Variants in MYO1D observed in about 807,000 individuals in gnomAD.
MYO1D encodes the protein unconventional myosin-Id.
MYO1D carries 83 observed loss-of-function variants against 122.0 expected under a neutral mutation model. That is an observed-to-expected ratio of 0.68 (90% CI 0.57 to 0.82). MYO1D has a LOEUF of 0.82. Ranked by LOEUF, MYO1D falls within the 40% of genes least tolerant of loss-of-function variation. MYO1D has a pLI of 0.00. For missense variants in MYO1D, 1,157 were observed against 1,269.5 expected, an observed-to-expected ratio of 0.91 and a Z score of 1.35; for synonymous variants, 464 against 446.9, an observed-to-expected ratio of 1.04 and a Z score of -0.48.
At chr17:32,635,838 C>T (rs1414191626) in intron 20 of MYO1D, among the ~76,000 whole-genome samples, 1 of 152,102 alleles carries the variant, frequency 6.6e-6, no homozygotes, top group Non-Finnish European at 1.5e-5. Context: ...AGTATGGATG[C>T]CCTTAGCTAT....
chr17:32,595,217 G>C (rs2087479907), intron 21 of MYO1D, among the ~76,000 whole-genome samples: 2 of 152,126 alleles, frequency 1.3e-5, no homozygotes, highest in Non-Finnish European at 2.9e-5. Flanking sequence ...ATGAGTTCTA[G>C]CATTCTCTAG....
chr17:32,516,555 G>A (rs1040078733), intron 21 of MYO1D, among the ~76,000 whole-genome samples: 1 of 152,198 alleles, frequency 6.6e-6, no homozygotes, highest in Non-Finnish European at 1.5e-5. Flanking sequence ...GGATTTGAGA[G>A]CCCCAGAGGA....
chr17:32,741,201 C>G (rs1249125486), intron 13 of MYO1D, among the ~76,000 whole-genome samples: 3 of 146,236 alleles, frequency 2.1e-5, no homozygotes, highest in African/African-American at 7.7e-5. Flanking sequence ...GTGCTCCAGG[C>G]TGGGCGACTG....
intron 16 of MYO1D, among the ~76,000 whole-genome samples, chr17:32,705,769 C>T (rs2089299288): frequency 6.6e-6 from 1 of 152,150 alleles, no homozygotes; most frequent in African/African-American, 2.4e-5. Context: ...ATAATTCCCA[C>T]ATGTTGTGGG....
At chr17:32,734,601 T>G (rs187852872) in intron 14 of MYO1D, 38 of 152,352 alleles carry the variant, frequency 2.5e-4, no homozygotes, top group African/African-American at 9.1e-4. Flanking sequence ...TCTGACAAAT[T>G]TTTTGTCATG....
At chr17:32,506,330 A>G (rs1455115637) in intron 21 of MYO1D, among the ~76,000 whole-genome samples, 1 of 152,218 alleles carries the variant, frequency 6.6e-6, no homozygotes, top group African/African-American at 2.4e-5. Context: ...TAACAGCAGC[A>G]TGAAAGGTGG....
intron 21 of MYO1D, among the ~76,000 whole-genome samples, chr17:32,566,408 G>A (rs1421438275): frequency 1.3e-5 from 2 of 152,142 alleles, no homozygotes; most frequent in East Asian, 1.9e-4. Context: ...ACAGGGCACG[G>A]CACCGGAGCT....
In MYO1D at chr17:32,712,087, A is replaced by G; in HGVS notation, c.2022T>C (p.Tyr674=). 2 of 1,614,202 alleles carry G rather than the reference A, an allele frequency of 1.2e-6. No homozygotes were observed. The highest frequency in any genetic ancestry group is 1.7e-6 in the Non-Finnish European group (2 of 1,180,014). ...TTCGAATGAAAATTTTGGTCTTCCC[A>G]TAAGCTACATCATCCTGAAAACCAC... ...ERCGFQDDVA[Y]GKTKIFIRTP... The change falls in exon 16 of 22, where the codon TAT becomes TAC. Residue 674 remains tyrosine (Y), a synonymous_variant. Coordinates refer to ENST00000318217, the MANE Select transcript of MYO1D (RefSeq NM_015194.3).
chr17:32,777,679 C>T (rs1263806344), intron 3 of MYO1D, among the ~76,000 whole-genome samples: 4 of 152,130 alleles, frequency 2.6e-5, no homozygotes, highest in Non-Finnish European at 1.5e-5. Flanking sequence ...GGCGCGGTGG[C>T]ACATGCCTGT....
At chr17:32,813,279 T>C (rs901028165) in intron 1 of MYO1D, among the ~76,000 whole-genome samples, 1 of 152,204 alleles carries the variant, frequency 6.6e-6, no homozygotes, top group African/African-American at 2.4e-5. Flanking sequence ...TCAACATAAC[T>C]ATGGTCTGTG....
intron 1 of MYO1D, among the ~76,000 whole-genome samples, chr17:32,871,437 G>A (rs544450824): frequency 6.6e-6 from 1 of 152,324 alleles, no homozygotes; most frequent in South Asian, 2.1e-4. Context: ...TACTGTGTTA[G>A]ATTAAAAAAG....
chr17:32,748,891 G>C (rs776798546), intron 12 of MYO1D, 45 bp downstream of exon 12: 2 of 1,514,510 alleles, frequency 1.3e-6, no homozygotes, highest in South Asian at 2.3e-5. Context: ...TTTCTAAAGT[G>C]AGGCGGCATG....
chr17:32,636,670 G>C (rs1341285530), intron 20 of MYO1D, among the ~76,000 whole-genome samples: 1 of 152,208 alleles, frequency 6.6e-6, no homozygotes, highest in Non-Finnish European at 1.5e-5. Context: ...ACCACTGTGG[G>C]CAAGTTTACT....
At chr17:32,512,281 CAA>C (rs1221587031) in intron 21 of MYO1D, among the ~76,000 whole-genome samples, 1 of 147,920 alleles carries the variant, frequency 6.8e-6, no homozygotes, top group Non-Finnish European at 1.5e-5. Flanking sequence ...GCCTGGGCGA[CAA>C]GAGTGAAACT....
chr17:32,803,308 A>T lies in MYO1D; in HGVS notation c.96-22524T>A, dbSNP rs528444002. On this transcript the variant is annotated intron_variant, in intron 1 of 21. Coordinates refer to ENST00000318217, the MANE Select transcript of MYO1D (RefSeq NM_015194.3). The stretch of plus-strand genomic sequence containing the variant: ...ACTACAGGTGCCCGCCACCACACCC[A>T]GCTAATTTTTTGTATTTTTAGTAGA... Among the ~76,000 whole-genome samples the T allele has an allele frequency of 2.6e-5, 4 of 152,012 alleles. No individual in the cohort carries two copies. In the South Asian group the frequency reaches 8.3e-4, roughly 32 times the overall value.
At chr17:32,573,056 C>T (rs2087245822) in intron 21 of MYO1D, among the ~76,000 whole-genome samples, 1 of 140,792 alleles carries the variant, frequency 7.1e-6, no homozygotes, top group Non-Finnish European at 1.6e-5. Flanking sequence ...CTATGCGTGG[C>T]ACATACAAGG....
chr17:32,705,547 G>GCCA (rs2089296637), intron 16 of MYO1D, among the ~76,000 whole-genome samples: 1 of 152,202 alleles, frequency 6.6e-6, no homozygotes, highest in Non-Finnish European at 1.5e-5. Context: ...ACAGGCATGG[G>GCCA]CCACCACACG....
intron 21 of MYO1D, among the ~76,000 whole-genome samples, chr17:32,530,697 A>T (rs1249956234): frequency 6.6e-6 from 1 of 152,130 alleles, no homozygotes; most frequent in Non-Finnish European, 1.5e-5. Flanking sequence ...GCTACTTGGG[A>T]GGCTGAGGCG....
Position 32,540,673 on chromosome 17 carries a change from C to T in MYO1D, c.2865-45758G>A, listed in dbSNP as rs144984968. On this transcript the variant is annotated intron_variant, in intron 21 of 21. Transcript: ENST00000318217. ...ATGCATGGTGGCTCACTCCTGTAAT[C>T]CCAGCACTTTGGGAGGCTGAGGTGG... is the stretch of plus-strand genomic sequence containing the variant. Among the ~76,000 whole-genome samples the T allele has an allele frequency of 5.7e-4, 87 of 152,112 alleles. 1 individual carries two copies. The East Asian group carries it at 0.016, about 28-fold the overall frequency.
Sources: allele counts gnomAD v4.1 joint callset (sites outside exome capture counted in the v4.1 genomes callset), GRCh38; gene constraint gnomAD v4.1.1; transcripts MANE v1.5; gene names NCBI Gene and HGNC (gene_info 2026-07-23, HGNC 2026-07-21).